The following CNTNAP2 variants were observed in gnomAD, a reference collection of about 807,000 sequenced individuals.
CNTNAP2 encodes the protein contactin associated protein 2, also known as contactin-associated protein-like 2.
In CNTNAP2, 98 loss-of-function variants were observed where a neutral mutation model predicts 155.2. The ratio of observed to expected loss-of-function variants is 0.63; its 90% CI spans 0.54 to 0.75. CNTNAP2 has a LOEUF of 0.75. Ranked by LOEUF, CNTNAP2 falls within the 30% of genes least tolerant of loss-of-function variation. CNTNAP2 has a pLI of 0.00. For missense variants in CNTNAP2, 1,727 were observed against 1,688.1 expected (o/e 1.02, Z -0.40); for synonymous variants, 651 against 631.2 (o/e 1.03, Z -0.47).
chr7:146,494,800 C>T (rs1004516549), intron 1 of CNTNAP2, among the ~76,000 whole-genome samples: 3 of 152,212 alleles, frequency 2.0e-5, no homozygotes, highest in African/African-American at 7.2e-5. Flanking sequence ...ACATTTACTA[C>T]ATAGGCAATT....
intron 20 of CNTNAP2, among the ~76,000 whole-genome samples, chr7:148,236,260 G>C (rs2116790347): frequency 6.6e-6 from 1 of 152,190 alleles, no homozygotes; most frequent in African/African-American, 2.4e-5. Flanking sequence ...AGCTACTTTG[G>C]GGCCAGTGGA....
chr7:147,163,209 C>T (rs139205803), intron 8 of CNTNAP2, among the ~76,000 whole-genome samples: 71 of 152,226 alleles, frequency 4.7e-4, no homozygotes, highest in African/African-American at 1.6e-3. Flanking sequence ...CAATGAGTCT[C>T]ATGTCAGAAA....
chr7:147,168,844 T>C (rs1802172691), intron 8 of CNTNAP2, among the ~76,000 whole-genome samples: 1 of 152,160 alleles, frequency 6.6e-6, no homozygotes, highest in South Asian at 2.1e-4. Flanking sequence ...AAAGCTCTTC[T>C]ATAAATATTG....
At chr7:146,193,337 A>T (rs2116855450) in intron 1 of CNTNAP2, among the ~76,000 whole-genome samples, 2 of 152,288 alleles carry the variant, frequency 1.3e-5, no homozygotes, top group East Asian at 3.9e-4. Context: ...GAGGTTTTCC[A>T]TGAGGGCCCC....
chr7:146,978,847 T>C (rs1016876936), intron 3 of CNTNAP2, among the ~76,000 whole-genome samples: 1 of 152,052 alleles, frequency 6.6e-6, no homozygotes, highest in Non-Finnish European at 1.5e-5. Flanking sequence ...TCTCAGTGCA[T>C]TGGGGAAAAT....
intron 16 of CNTNAP2, among the ~76,000 whole-genome samples, chr7:148,141,536 G>T (rs1298444892): frequency 6.6e-6 from 1 of 152,208 alleles, no homozygotes; most frequent in African/African-American, 2.4e-5. Context: ...CTAGGCAGGA[G>T]TAGTTTCTAT....
intron 9 of CNTNAP2, among the ~76,000 whole-genome samples, chr7:147,383,344 A>C (rs779400995): frequency 5.9e-5 from 9 of 152,184 alleles, no homozygotes; most frequent in Non-Finnish European, 1.2e-4. Flanking sequence ...TTTTATCACT[A>C]TTTTCAGACT....
intron 9 of CNTNAP2, among the ~76,000 whole-genome samples, chr7:147,302,931 A>G (rs1794970855): frequency 6.6e-6 from 1 of 152,360 alleles, no homozygotes; most frequent in African/African-American, 2.4e-5. Flanking sequence ...AAGCTCAGTG[A>G]GGTCCCAGCT....
At chr7:146,355,721 A>G (rs976103677) in intron 1 of CNTNAP2, among the ~76,000 whole-genome samples, 2 of 152,148 alleles carry the variant, frequency 1.3e-5, no homozygotes, top group Non-Finnish European at 2.9e-5. Context: ...ATATCATTTC[A>G]TTTTATTATG....
chr7:146,895,636 C>T (rs982325207), intron 3 of CNTNAP2, among the ~76,000 whole-genome samples: 15 of 151,976 alleles, frequency 9.9e-5, no homozygotes, highest in Admixed American at 3.9e-4. Flanking sequence ...GATATAATCA[C>T]GTGGAAATAC....
chr7:147,597,242 A>T (rs1379412717), intron 12 of CNTNAP2, among the ~76,000 whole-genome samples: 3 of 151,922 alleles, frequency 2.0e-5, no homozygotes, highest in Non-Finnish European at 4.4e-5. Context: ...CTGGATTGGG[A>T]TCCCTTTCCA....
chr7:148,144,824 C>A (rs1805145063), intron 16 of CNTNAP2, among the ~76,000 whole-genome samples: 1 of 152,250 alleles, frequency 6.6e-6, no homozygotes. Flanking sequence ...AGGACAGTGT[C>A]ATTGGCTCAA....
chr7:147,976,748 G>T (rs969197241), intron 14 of CNTNAP2, among the ~76,000 whole-genome samples: 1 of 152,040 alleles, frequency 6.6e-6, no homozygotes, highest in Non-Finnish European at 1.5e-5. Flanking sequence ...CCTCCAAGTT[G>T]GTTCCTCTCC....
chr7:147,223,460 G>A (rs1250080775), intron 8 of CNTNAP2, among the ~76,000 whole-genome samples: 1 of 152,114 alleles, frequency 6.6e-6, no homozygotes, highest in Admixed American at 6.5e-5. Flanking sequence ...TGCAACTTAT[G>A]TCACACTGCA....
intron 1 of CNTNAP2, among the ~76,000 whole-genome samples, chr7:146,441,228 G>A (rs1008895434): frequency 6.6e-6 from 1 of 151,434 alleles, no homozygotes; most frequent in Non-Finnish European, 1.5e-5. Flanking sequence ...ATTCAACCGT[G>A]AAAAAAATTT....
At chr7:147,863,392 G>A (rs990649781) in intron 13 of CNTNAP2, among the ~76,000 whole-genome samples, 5 of 152,216 alleles carry the variant, frequency 3.3e-5, no homozygotes, top group Non-Finnish European at 5.9e-5. Flanking sequence ...ATAAACATAC[G>A]TGTGCATGTG....
chr7:147,283,731 C>T (rs140153506), intron 8 of CNTNAP2, among the ~76,000 whole-genome samples: 2 of 151,862 alleles, frequency 1.3e-5, no homozygotes, highest in Non-Finnish European at 2.9e-5. Flanking sequence ...AGAACAAATG[C>T]TTTTCCCAAA....
rs533350387 is a variant in CNTNAP2 at position 146,662,300 on chromosome 7, G to C, written c.98-111971G>C. On this transcript the variant is annotated intron_variant, in intron 1 of 23. Coordinates refer to ENST00000361727, the MANE Select transcript of CNTNAP2 (RefSeq NM_014141.6). ...TTATAGGCGCCCGCCACCACGCCTG[G>C]CTAGTTTTTCTATTTTTAGCAGAGA... 1.5e-3 allele frequency among the ~76,000 whole-genome samples: 228 copies of C among 152,214 alleles called. 1 individual carries two copies. The highest frequency in any genetic ancestry group is 5.1e-3 in the African/African-American group (210 of 41,546).
chr7:147,184,438 T>C (rs903063633), intron 8 of CNTNAP2, among the ~76,000 whole-genome samples: 1 of 152,322 alleles, frequency 6.6e-6, no homozygotes, highest in South Asian at 2.1e-4. Flanking sequence ...TAAGAGAGTA[T>C]ATAGAACTCT....
Sources: allele counts gnomAD v4.1 joint callset (sites outside exome capture counted in the v4.1 genomes callset), GRCh38; gene constraint gnomAD v4.1.1; transcripts MANE v1.5; gene names NCBI Gene and HGNC (gene_info 2026-07-23, HGNC 2026-07-21).